The following SASS6 variants were observed in gnomAD, a reference collection of about 807,000 sequenced individuals.
SASS6 encodes the protein spindle assembly abnormal protein 6 homolog.
SASS6 carries 59 observed loss-of-function variants against 94.9 expected under a neutral mutation model. That is an observed-to-expected ratio of 0.62 (90% CI 0.50 to 0.77). The LOEUF is 0.77. Among genes scored for constraint, SASS6 ranks in the 30% least tolerant of loss-of-function variants. The pLI is 0.00. For synonymous variants in SASS6, 264 were observed against 270.0 expected (o/e 0.98, Z 0.22); for missense variants, 698 against 734.1 (o/e 0.95, Z 0.57).
In SASS6 at chr1:100,130,703, A is replaced by AAG. The variant is rs1359460113; in HGVS notation, c.65+2045_65+2046dup. ...GACTCTGTCTAGAAAAAAAAAAAAA[A>AAG]AGAGAGAGAGAAAGAGAGAGAGTCT... is the stretch of plus-strand genomic sequence containing the variant. On this transcript the variant is annotated intron_variant, in intron 1 of 16. Coordinates refer to ENST00000287482, the MANE Select transcript of SASS6 (RefSeq NM_194292.3). 3.5e-4 allele frequency among the ~76,000 whole-genome samples: 53 copies of AAG among 150,874 alleles called. 1 individual carries two copies. Among genetic ancestry groups the AAG allele is most frequent in the South Asian group, 2.1e-3 (10 of 4,756 alleles).
At chr1:100,113,744 TA>T (rs775780387) in intron 7 of SASS6, among the ~76,000 whole-genome samples, 11 of 151,316 alleles carry the variant, frequency 7.3e-5, no homozygotes, top group Non-Finnish European at 1.6e-4. Flanking sequence ...TCGAAAACAC[TA>T]AACAATAGAA....
intron 7 of SASS6, among the ~76,000 whole-genome samples, chr1:100,116,979 C>T (rs149492459): frequency 1.1e-3 from 164 of 152,102 alleles, no homozygotes; most frequent in African/African-American, 3.7e-3. Flanking sequence ...TACATAAAAA[C>T]AACAATAAAA....
chr1:100,086,722 C>A (rs933747657), intron 15 of SASS6, among the ~76,000 whole-genome samples: 2 of 151,796 alleles, frequency 1.3e-5, no homozygotes, highest in African/African-American at 4.8e-5. Flanking sequence ...ACTCTATCAC[C>A]CAGGCTGGAG....
intron 1 of SASS6, among the ~76,000 whole-genome samples, chr1:100,130,429 C>A (rs1004433018): frequency 2.6e-5 from 4 of 152,078 alleles, no homozygotes; most frequent in African/African-American, 9.7e-5. Flanking sequence ...GCCTATAATC[C>A]CCGAATTTTG....
chr1:100,127,163 C>T (rs572990009), intron 1 of SASS6, among the ~76,000 whole-genome samples: 11 of 152,258 alleles, frequency 7.2e-5, no homozygotes, highest in African/African-American at 2.4e-4. Flanking sequence ...GTAAAAAATA[C>T]CTATGCACAA....
intron 15 of SASS6, among the ~76,000 whole-genome samples, chr1:100,086,323 A>G (rs1450641928): frequency 6.6e-6 from 1 of 152,012 alleles, no homozygotes; most frequent in Non-Finnish European, 1.5e-5. Flanking sequence ...CTTTTTTTCT[A>G]TTTTATTTTT....
intron 7 of SASS6, among the ~76,000 whole-genome samples, chr1:100,115,276 G>A (rs1271218499): frequency 1.3e-5 from 2 of 152,104 alleles, no homozygotes; most frequent in East Asian, 1.9e-4. Flanking sequence ...TAACCACAGT[G>A]GTACTGGTAG....
At chr1:100,118,940 G>A in intron 7 of SASS6, 78 bp downstream of exon 7, 1 of 1,031,676 alleles carries the variant, frequency 9.7e-7, no homozygotes. Flanking sequence ...TTTAAAGCAA[G>A]CATATATTAC....
intron 1 of SASS6, among the ~76,000 whole-genome samples, chr1:100,126,283 C>A (rs1164035226): frequency 1.3e-5 from 2 of 152,122 alleles, no homozygotes; most frequent in Non-Finnish European, 2.9e-5. Flanking sequence ...AAAGACAAAC[C>A]ATCAATTTAG....
chr1:100,130,455 A>G (rs1459579709), intron 1 of SASS6, among the ~76,000 whole-genome samples: 1 of 152,074 alleles, frequency 6.6e-6, no homozygotes, highest in Non-Finnish European at 1.5e-5. Context: ...CTGGGGTGAG[A>G]GGATCACTTG....
intron 8 of SASS6, 55 bp from the exon 9 acceptor site, chr1:100,108,059 C>A: frequency 9.6e-7 from 1 of 1,042,204 alleles, no homozygotes; most frequent in Non-Finnish European, 1.4e-6. Flanking sequence ...GCTGCCTCAT[C>A]TGGTTATTTA....
chr1:100,124,713 T>C (rs1654444983), intron 2 of SASS6, among the ~76,000 whole-genome samples: 1 of 152,300 alleles, frequency 6.6e-6, no homozygotes, highest in East Asian at 1.9e-4. Flanking sequence ...TCTGTTCCAG[T>C]GGCCCCCAAC....
rs141207687 is a variant in SASS6, at chr1:100,130,195, G to A, written c.65+2555C>T. Among the ~76,000 whole-genome samples, 21 of 152,292 alleles carry A rather than the reference G, an allele frequency of 1.4e-4. No individual in the cohort carries two copies. The East Asian group carries it at 3.9e-3, about 28-fold the overall frequency. On this transcript the variant is annotated intron_variant, in intron 1 of 16. Coordinates refer to ENST00000287482, the MANE Select transcript of SASS6 (RefSeq NM_194292.3). ...ATCTGTGCTATGGTGCCTGTTCAAG[G>A]AAAATCTTATTTCCCCTATTAAAAT...
At chr1:100,130,044 G>A (rs922897290) in intron 1 of SASS6, among the ~76,000 whole-genome samples, 5 of 152,132 alleles carry the variant, frequency 3.3e-5, no homozygotes, top group Non-Finnish European at 5.9e-5. Context: ...ATACCATGAA[G>A]TAGGTACTGT....
At chr1:100,085,692 T>A in intron 15 of SASS6, 62 bp from the exon 16 acceptor site, 1 of 947,428 alleles carries the variant, frequency 1.1e-6, no homozygotes. Context: ...AAGGTTTATC[T>A]CATATGTATA....
intron 14 of SASS6, among the ~76,000 whole-genome samples, chr1:100,094,856 ACT>A (rs1652005598): frequency 6.8e-6 from 1 of 148,002 alleles, no homozygotes; most frequent in African/African-American, 2.5e-5. Context: ...ACAGAGAGAG[ACT>A]CTGTCTCCAA....
intron 7 of SASS6, among the ~76,000 whole-genome samples, chr1:100,111,778 G>A (rs1360903172): frequency 6.6e-6 from 1 of 152,020 alleles, no homozygotes; most frequent in Non-Finnish European, 1.5e-5. Flanking sequence ...ACAGGAAGCA[G>A]TCCATATAAA....
chr1:100,091,404 T>G (rs916864123), intron 14 of SASS6, among the ~76,000 whole-genome samples: 15 of 151,800 alleles, frequency 9.9e-5, no homozygotes, highest in Non-Finnish European at 2.2e-4. Context: ...TCCTCAGGAT[T>G]TAAACAAAAT....
intron 7 of SASS6, among the ~76,000 whole-genome samples, chr1:100,113,537 C>T (rs893977345): frequency 3.3e-5 from 5 of 151,252 alleles, no homozygotes; most frequent in Non-Finnish European, 5.9e-5. Flanking sequence ...AGGAGAATGG[C>T]GTGAACCCGG....
Sources: gnomAD v4.1 joint callset for allele counts (sites outside exome capture counted in the v4.1 genomes callset) on GRCh38, gnomAD v4.1.1 for gene constraint, MANE v1.5 for transcripts, NCBI Gene and HGNC (gene_info 2026-07-23, HGNC 2026-07-21) for gene names.